SPG21: variants seen among roughly 807,000 people sequenced by gnomAD.
The protein encoded by SPG21 is SPG21 abhydrolase domain containing, maspardin, also known as maspardin.
Under a neutral mutation model 38.9 loss-of-function variants are expected in SPG21, and 26 were observed. The ratio of observed to expected loss-of-function variants is 0.67; its 90% confidence interval spans 0.49 to 0.93. The LOEUF (loss-of-function observed/expected upper bound fraction) is 0.93. Ranked by LOEUF, SPG21 falls within the 40% of genes least tolerant of loss-of-function variation. The probability of loss-of-function intolerance (pLI) is 0.00; values close to 1 mark genes in which losing one functional copy is unlikely to be tolerated. For missense variants in SPG21, 333 were observed against 376.5 expected, an observed-to-expected ratio of 0.88 and a Z score of 0.96; for synonymous variants, 136 against 128.9, an observed-to-expected ratio of 1.05 and a Z score of -0.37.
chr15:64,969,695 T>TG (rs1193691370), intron 6 of SPG21, among the ~76,000 whole-genome samples: 4 of 151,442 alleles, frequency 2.6e-5, no homozygotes, highest in East Asian at 1.9e-4. Flanking sequence ...TTGTTTTTTT[T>TG]TTTTTTTTAA....
intron 3 of SPG21, among the ~76,000 whole-genome samples, chr15:64,979,531 A>C (rs1305698103): frequency 3.3e-5 from 5 of 152,326 alleles, no homozygotes; most frequent in Non-Finnish European, 1.5e-5. Flanking sequence ...GAAAAGACCC[A>C]GGAGAAAAGC....
At chr15:64,971,886 G>C (rs1192127753) in intron 5 of SPG21, among the ~76,000 whole-genome samples, 3 of 152,154 alleles carry the variant, frequency 2.0e-5, no homozygotes, top group African/African-American at 7.2e-5. Context: ...TGCCCAGGCT[G>C]GTCTAGAACT....
At chr15:64,981,092 T>G in intron 2 of SPG21, 67 bp from the exon 3 acceptor site, 2 of 1,588,994 alleles carry the variant, frequency 1.3e-6, no homozygotes, top group East Asian at 2.3e-5. Context: ...TATTTTACAC[T>G]GTCATTTCAC....
In SPG21 at chr15:64,965,316, T is replaced by G; in HGVS notation, c.810+4A>C. ...AGTGCTCTGGGTTTCAAGCTAGGCC[T>G]TACCTGTACATAAAGATTGACCTCT... On this transcript the variant is annotated splice_donor_region_variant and intron_variant, in intron 8 of 8. Coordinates refer to ENST00000204566, the MANE Select transcript of SPG21 (RefSeq NM_016630.7). The G allele has an allele frequency of 6.2e-7, 1 of 1,614,210 alleles. No individual in the cohort carries two copies. Among genetic ancestry groups the G allele is most frequent in the Non-Finnish European group, 8.5e-7 (1 of 1,180,040 alleles).
intron 7 of SPG21, among the ~76,000 whole-genome samples, chr15:64,966,233 G>A (rs1375627750): frequency 1.3e-5 from 2 of 152,024 alleles, no homozygotes; most frequent in East Asian, 3.8e-4. Context: ...TTCTTTCTTG[G>A]GGAAACCAGT....
intron 1 of SPG21, among the ~76,000 whole-genome samples, chr15:64,985,042 C>A (rs1337543365): frequency 2.0e-5 from 3 of 152,214 alleles, no homozygotes; most frequent in Non-Finnish European, 4.4e-5. Context: ...AGCCACCGTG[C>A]CCCGCCTACA....
intron 6 of SPG21, 28 bp downstream of exon 6, chr15:64,970,086 G>C: frequency 1.3e-6 from 2 of 1,554,892 alleles, no homozygotes; most frequent in Non-Finnish European, 1.8e-6. Flanking sequence ...AATACAATGT[G>C]TCCCCAACCC....
intron 1 of SPG21, among the ~76,000 whole-genome samples, chr15:64,985,133 T>C (rs1324939327): frequency 6.6e-6 from 1 of 152,212 alleles, no homozygotes; most frequent in African/African-American, 2.4e-5. Flanking sequence ...CTCAGAAAGA[T>C]CTATAATGTA....
chr15:64,980,499 G>A (rs996597373), intron 3 of SPG21, among the ~76,000 whole-genome samples: 3 of 152,080 alleles, frequency 2.0e-5, no homozygotes, highest in East Asian at 1.9e-4. Flanking sequence ...AGCACTTTGC[G>A]AGGCTGAGGT....
chr15:64,970,315 T>A, intron 5 of SPG21, 93 bp from the exon 6 acceptor site: 1 of 1,141,552 alleles, frequency 8.8e-7, no homozygotes, highest in Non-Finnish European at 1.3e-6. Context: ...GCTTGGGATC[T>A]AGAAATAAAA....
intron 7 of SPG21, 142 bp from the exon 8 acceptor site, chr15:64,965,602 A>C (rs2085526022): frequency 1.0e-5 from 13 of 1,287,218 alleles, no homozygotes; most frequent in Non-Finnish European, 1.3e-5. Flanking sequence ...ATATGAAGAC[A>C]ATCCTGAACC....
intron 1 of SPG21, among the ~76,000 whole-genome samples, chr15:64,986,598 G>C (rs549313931): frequency 1.1e-3 from 169 of 151,818 alleles, no homozygotes; most frequent in Non-Finnish European, 1.3e-3. Flanking sequence ...CGAGGCAGGA[G>C]AATCGCTTGA....
chr15:64,965,410 C>T lies in SPG21; in HGVS notation c.720G>A (p.Lys240=). 6.2e-7 allele frequency: 1 copy of T among 1,614,158 alleles called. No individual in the cohort carries two copies. The highest frequency in any genetic ancestry group is 1.3e-5 in the African/African-American group (1 of 75,034). Residue 240 remains lysine (K), a synonymous_variant, in exon 8 of 9, where the codon AAG becomes AAA. Coordinates refer to ENST00000204566, the MANE Select transcript of SPG21 (RefSeq NM_016630.7). ...GAGCTCTTCGGGCATTAGGATACAG[C>T]TTGTACATTTCTTCTTTAGCTTCAG... is the stretch of plus-strand genomic sequence containing the variant. ...LSTEAKEEMY[K]LYPNARRAHL...
At position 64,964,761 on chromosome 15, in the gene SPG21, G is replaced by C. The variant is rs112559158; in HGVS notation, c.810+559C>G. ...TTCTTCTGCCTCAGCCTCCCGAGTA[G>C]CTGGGACTACAGGTGTGCACCACCA... is the stretch of plus-strand genomic sequence containing the variant. On this transcript the variant is annotated intron_variant, in intron 8 of 8. Coordinates refer to ENST00000204566, the MANE Select transcript of SPG21 (RefSeq NM_016630.7). 7.8e-3 allele frequency among the ~76,000 whole-genome samples: 1,182 copies of C among 152,124 alleles called. 52 individuals are homozygous for C. In the South Asian group the frequency reaches 0.12, roughly 16 times the overall value.
In SPG21 at chr15:64,976,486, G is replaced by A. The variant is rs201269160; in HGVS notation, c.295C>T (p.Gln99Ter). The change falls in exon 4 of 9, where the codon CAA (glutamine) becomes TAA (stop). Residue 99 changes from glutamine to a stop codon, truncating the protein, a stop_gained. Transcript: ENST00000204566. LOFTEE classifies it high-confidence loss of function. ...TTCAGGGTACTCACTTTATCCAATT[G>A]TAAATGGTCTAAAAGTTTTCTGAAT... ...DGFRKLLDHL[Q>*]LDKVHLFGAS... 6.2e-7 allele frequency: 1 copy of A among 1,610,914 alleles called. No individual in the cohort carries two copies. Among genetic ancestry groups the A allele is most frequent in the East Asian group, 2.2e-5 (1 of 44,850 alleles).
In SPG21 at chr15:64,963,206, A is replaced by T. The variant is rs2085481992; in HGVS notation, c.*414T>A. 5.5e-6 allele frequency: 1 copy of T among 180,622 alleles called. No individual in the cohort carries two copies. Among genetic ancestry groups the T allele is most frequent in the Non-Finnish European group, 1.2e-5 (1 of 85,222 alleles). The allele number at this position is 180,622 out of a possible 1,614,324, so 11.2% of individuals were successfully genotyped here. On this transcript the variant is annotated 3_prime_UTR_variant, in exon 9 of 9. Transcript: ENST00000204566. ...AAAGCATAAAATAACCAATGTCCTG[A>T]TATGCAATCTGGATGTGCAGCATTT...
intron 3 of SPG21, among the ~76,000 whole-genome samples, chr15:64,980,205 C>T (rs1168061782): frequency 2.0e-5 from 3 of 152,166 alleles, no homozygotes; most frequent in Admixed American, 2.0e-4. Context: ...CCCTCCACCA[C>T]TACTGGCTGT....
intron 5 of SPG21, among the ~76,000 whole-genome samples, chr15:64,972,718 G>A (rs929322652): frequency 6.6e-6 from 1 of 152,206 alleles, no homozygotes; most frequent in Admixed American, 6.5e-5. Context: ...TGTAGTCCCA[G>A]CTATTCGGGA....
chr15:64,975,404 T>C (rs2085755600), intron 4 of SPG21, among the ~76,000 whole-genome samples: 1 of 151,470 alleles, frequency 6.6e-6, no homozygotes. Flanking sequence ...GGTACGTGCC[T>C]AGAGTCCTAG....
Sources: gnomAD v4.1 joint callset for allele counts (sites outside exome capture counted in the v4.1 genomes callset) on GRCh38, gnomAD v4.1.1 for gene constraint, MANE v1.5 for transcripts, NCBI Gene and HGNC (gene_info 2026-07-23, HGNC 2026-07-21) for gene names.